Variants in WSCD2 observed in about 807,000 individuals in gnomAD.
WSCD2 encodes the protein WSC domain sialate O sulfotransferase 2.
In WSCD2, 28 loss-of-function variants were observed where a neutral mutation model predicts 55.7. The observed-to-expected ratio is 0.50, with a 90% CI of 0.37 to 0.69. WSCD2 has a LOEUF of 0.69. WSCD2 is among the 30% of genes least tolerant of loss of function. WSCD2 has a pLI of 0.00. For missense variants in WSCD2, 616 were observed against 762.1 expected (o/e 0.81, Z 2.26); for synonymous variants, 301 against 301.9 (o/e 1.00, Z 0.03).
intron 2 of WSCD2, among the ~76,000 whole-genome samples, chr12:108,202,715 G>A (rs903403111): frequency 6.6e-6 from 1 of 152,176 alleles, no homozygotes; most frequent in East Asian, 1.9e-4. Context: ...GGTGCAGGGT[G>A]GTAGGAGGGA....
At chr12:108,211,511 C>T (rs1163096511) in intron 4 of WSCD2, among the ~76,000 whole-genome samples, 1 of 151,904 alleles carries the variant, frequency 6.6e-6, no homozygotes, top group Non-Finnish European at 1.5e-5. Flanking sequence ...ACCCGGGTGG[C>T]TTTAGCAGAA....
chr12:108,208,386 G>C (rs1284842911), intron 3 of WSCD2, among the ~76,000 whole-genome samples: 2 of 152,228 alleles, frequency 1.3e-5, no homozygotes, highest in Non-Finnish European at 2.9e-5. Context: ...CCAGGGTACA[G>C]AGACATCAAG....
intron 3 of WSCD2, among the ~76,000 whole-genome samples, chr12:108,209,126 TA>T (rs1402292042): frequency 6.6e-6 from 1 of 152,186 alleles, no homozygotes; most frequent in African/African-American, 2.4e-5. Flanking sequence ...CAGAGTGGGG[TA>T]GCCACTAAGC....
intron 1 of WSCD2, among the ~76,000 whole-genome samples, chr12:108,161,993 A>G (rs1264999689): frequency 6.6e-6 from 1 of 152,198 alleles, no homozygotes; most frequent in Non-Finnish European, 1.5e-5. Context: ...TGGCCCATGC[A>G]TCACCATCCT....
intron 6 of WSCD2, among the ~76,000 whole-genome samples, chr12:108,230,806 G>A (rs1888662772): frequency 1.3e-5 from 2 of 152,166 alleles, no homozygotes; most frequent in Non-Finnish European, 2.9e-5. Context: ...TTGAGCATGG[G>A]GCAGTCACTG....
chr12:108,147,796 A>G (rs1877559440), intron 1 of WSCD2, among the ~76,000 whole-genome samples: 1 of 151,950 alleles, frequency 6.6e-6, no homozygotes. Context: ...GGTCGAGGCT[A>G]AAGTGAGCTA....
intron 4 of WSCD2, among the ~76,000 whole-genome samples, chr12:108,223,727 A>T (rs1887775118): frequency 6.6e-6 from 1 of 152,166 alleles, no homozygotes; most frequent in Admixed American, 6.5e-5. Flanking sequence ...TGGGCCCAAC[A>T]GGAGCAAGCA....
chr12:108,131,271 T>C (rs1254051634), intron 1 of WSCD2, among the ~76,000 whole-genome samples: 1 of 152,200 alleles, frequency 6.6e-6, no homozygotes, highest in African/African-American at 2.4e-5. Flanking sequence ...TGGGCTTCAG[T>C]TGCTGCTTCT....
intron 1 of WSCD2, among the ~76,000 whole-genome samples, chr12:108,182,533 C>T (rs538378166): frequency 1.3e-5 from 2 of 152,322 alleles, no homozygotes; most frequent in East Asian, 3.9e-4. Flanking sequence ...CTGTGCATTT[C>T]TCCAGAGATG....
chr12:108,170,060 G>T (rs901299891), intron 1 of WSCD2, among the ~76,000 whole-genome samples: 4 of 152,180 alleles, frequency 2.6e-5, no homozygotes, highest in African/African-American at 9.7e-5. Flanking sequence ...CAGGTAGCTT[G>T]CTTTTCTCTC....
At chr12:108,151,552 T>C (rs555575037) in intron 1 of WSCD2, among the ~76,000 whole-genome samples, 1 of 152,294 alleles carries the variant, frequency 6.6e-6, no homozygotes, top group East Asian at 1.9e-4. Flanking sequence ...TATTATGTAT[T>C]TGGGGAAATT....
At chr12:108,168,534 AC>A in intron 1 of WSCD2, among the ~76,000 whole-genome samples, 1 of 24,468 alleles carries the variant, frequency 4.1e-5, no homozygotes, top group Non-Finnish European at 2.4e-4. Context: ...TAGTTATTCC[AC>A]TTACTTACTG....
chr12:108,189,919 C>T, intron 1 of WSCD2, among the ~76,000 whole-genome samples: 1 of 152,072 alleles, frequency 6.6e-6, no homozygotes, highest in East Asian at 1.9e-4. Context: ...AAATAGAGTC[C>T]TTGTATCAGA....
At chr12:108,174,966 G>A (rs1218927184) in intron 1 of WSCD2, among the ~76,000 whole-genome samples, 1 of 152,182 alleles carries the variant, frequency 6.6e-6, no homozygotes, top group Non-Finnish European at 1.5e-5. Context: ...ACTGTGGTGG[G>A]AGCCAGGGAC....
chr12:108,191,068 C>A (rs1371527513), intron 1 of WSCD2, among the ~76,000 whole-genome samples: 1 of 152,150 alleles, frequency 6.6e-6, no homozygotes, highest in Non-Finnish European at 1.5e-5. Context: ...TAATCCTCAA[C>A]ATGCTATGAA....
chr12:108,217,772 T>A (rs1419334541), intron 4 of WSCD2, among the ~76,000 whole-genome samples: 3 of 152,118 alleles, frequency 2.0e-5, no homozygotes, highest in Non-Finnish European at 4.4e-5. Flanking sequence ...CCCAAAGAGG[T>A]GCACAGCAGT....
rs761978776 is a variant in WSCD2 at position 108,210,635 on chromosome 12, G to A, written c.682+330G>A. Reference sequence around the variant, plus strand: ...CATCCTGATTTTCTCAGAGCAGACTGTCTCTAATGATGATGATGGTGGTAA... The same window carrying A: ...CATCCTGATTTTCTCAGAGCAGACTATCTCTAATGATGATGATGGTGGTAA... On this transcript the variant is annotated intron_variant, in intron 4 of 8. Coordinates refer to ENST00000547525, the MANE Select transcript of WSCD2 (RefSeq NM_014653.4). This position sits in a 1 kb window ranked among gnomAD's most constrained non-coding sequence, Gnocchi z 4.3. Among the ~76,000 whole-genome samples, 5 of 152,174 alleles carry A rather than the reference G, an allele frequency of 3.3e-5. No homozygotes were observed. Among genetic ancestry groups the A allele is most frequent in the Non-Finnish European group, 5.9e-5 (4 of 68,032 alleles).
chr12:108,131,695 G>T (rs760133742), intron 1 of WSCD2: 1 of 152,244 alleles, frequency 6.6e-6, no homozygotes, highest in Non-Finnish European at 1.5e-5. Flanking sequence ...TGACTACATG[G>T]CAGGGCCCTT....
chr12:108,216,588 C>T (rs1886857818), intron 4 of WSCD2, among the ~76,000 whole-genome samples: 1 of 152,238 alleles, frequency 6.6e-6, no homozygotes, highest in Non-Finnish European at 1.5e-5. Flanking sequence ...TGAACCTTGG[C>T]TACCTGGAAG....
Sources: allele counts gnomAD v4.1 joint callset (sites outside exome capture counted in the v4.1 genomes callset), GRCh38; gene constraint gnomAD v4.1.1; non-coding constraint Gnocchi (gnomAD v3.1); transcripts MANE v1.5; gene names NCBI Gene and HGNC (gene_info 2026-07-23, HGNC 2026-07-21).